The following SDK1 variants were observed in gnomAD, a reference collection of about 807,000 sequenced individuals.
The protein encoded by SDK1 is protein sidekick-1.
Under a neutral mutation model 245.5 loss-of-function variants are expected in SDK1, and 157 were observed. The ratio of observed to expected loss-of-function variants is 0.64; its 90% CI spans 0.56 to 0.73. The LOEUF (loss-of-function observed/expected upper bound fraction) is 0.73, where lower values mean the gene tolerates loss of function less well. Among genes scored for constraint, SDK1 ranks in the 30% least tolerant of loss-of-function variants. The pLI is 0.00. For missense variants in SDK1, 3,583 were observed against 3,002.3 expected (o/e 1.19, Z -4.52); for synonymous variants, 1,647 against 1,278.5 (o/e 1.29, Z -6.15).
intron 4 of SDK1, among the ~76,000 whole-genome samples, chr7:3,809,186 G>A (rs1261055134): frequency 6.6e-6 from 1 of 152,088 alleles, no homozygotes; most frequent in African/African-American, 2.4e-5. Flanking sequence ...GCTACATGGC[G>A]AGAGCAGGAG....
Position 4,205,955 on chromosome 7 carries a change from A to G in SDK1, c.5175A>G (p.Pro1725=). 2 of 1,561,028 alleles carry G rather than the reference A, an allele frequency of 1.3e-6. No homozygotes were observed. Among genetic ancestry groups the G allele is most frequent in the Non-Finnish European group, 8.7e-7 (1 of 1,152,252 alleles). Reference sequence around the variant, plus strand: ...AGCTGGAGGTCACGTGGGACCCACCACCCCCGGAGAGCCAGAATGGGAACA... The same window carrying G: ...AGCTGGAGGTCACGTGGGACCCACCGCCCCCGGAGAGCCAGAATGGGAACA... ...ASQLEVTWDP[P]PPESQNGNIQ... The change falls in exon 36 of 45, where the codon CCA becomes CCG. Residue 1725 remains proline, a synonymous_variant. Coordinates refer to ENST00000404826, the MANE Select transcript of SDK1 (RefSeq NM_152744.4).
chr7:3,530,557 T>C (rs1047541104), intron 1 of SDK1, among the ~76,000 whole-genome samples: 3 of 152,192 alleles, frequency 2.0e-5, no homozygotes, highest in Admixed American at 6.5e-5. Flanking sequence ...AAGAAAAATA[T>C]ATTGATAGAA....
At chr7:3,972,052 A>C (rs76206316) in intron 12 of SDK1, among the ~76,000 whole-genome samples, 1,843 of 150,364 alleles carry the variant, frequency 0.012, 13 homozygotes, top group Non-Finnish European at 0.019. Flanking sequence ...GGTGCATGCC[A>C]AGAGGGAGGC....
Position 4,266,100 on chromosome 7 carries a change from G to A in SDK1, c.*716G>A. ...CCCTTCCTTCTCACCTGACAGCGAG[G>A]GAGAGGGAAGCCTCTTAGGGCTGGA... On this transcript the variant is annotated 3_prime_UTR_variant, in exon 45 of 45. Coordinates refer to ENST00000404826, the MANE Select transcript of SDK1 (RefSeq NM_152744.4). The A allele has an allele frequency of 4.1e-6, 4 of 985,424 alleles. No homozygotes were observed. The highest frequency in any genetic ancestry group is 4.8e-6 in the Non-Finnish European group (4 of 829,960). The allele number at this position is 985,424 out of a possible 1,614,324, so 61.0% of individuals were successfully genotyped here.
intron 1 of SDK1, among the ~76,000 whole-genome samples, chr7:3,577,116 C>A (rs185860023): frequency 1.3e-5 from 2 of 151,962 alleles, no homozygotes; most frequent in African/African-American, 4.8e-5. Flanking sequence ...TGGAAGATTT[C>A]GCCTGCCTCT....
chr7:4,231,052 C>G (rs1785728937), intron 40 of SDK1, among the ~76,000 whole-genome samples: 2 of 152,046 alleles, frequency 1.3e-5, no homozygotes, highest in East Asian at 1.9e-4. Flanking sequence ...GAGGCCTGAA[C>G]AGAGTAAATG....
chr7:3,544,350 G>T (rs1350515488), intron 1 of SDK1, among the ~76,000 whole-genome samples: 9 of 152,190 alleles, frequency 5.9e-5, no homozygotes, highest in Non-Finnish European at 1.3e-4. Context: ...AAACAGCTTG[G>T]ATCAAGCAGC....
At chr7:3,960,010 G>A (rs894073791) in intron 8 of SDK1, among the ~76,000 whole-genome samples, 13 of 152,264 alleles carry the variant, frequency 8.5e-5, no homozygotes, top group East Asian at 7.7e-4. Flanking sequence ...ATCAGGAAAC[G>A]AAAAGGATCT....
intron 1 of SDK1, among the ~76,000 whole-genome samples, chr7:3,392,078 AAGTATT>A (rs1453643638): frequency 6.6e-6 from 1 of 151,868 alleles, no homozygotes; most frequent in Non-Finnish European, 1.5e-5. Context: ...TCATGATAGA[AAGTATT>A]AGTATTATAA....
chr7:3,768,298 C>T (rs1366459139), intron 4 of SDK1, among the ~76,000 whole-genome samples: 3 of 152,084 alleles, frequency 2.0e-5, no homozygotes, highest in East Asian at 1.9e-4. Flanking sequence ...AGACATGGCC[C>T]GCATAAAGCA....
chr7:3,665,415 T>C (rs752041168), intron 4 of SDK1, among the ~76,000 whole-genome samples: 79 of 152,140 alleles, frequency 5.2e-4, no homozygotes, highest in Non-Finnish European at 8.2e-4. Flanking sequence ...CTCTAGCCTC[T>C]GCTGCCTTAT....
intron 1 of SDK1, among the ~76,000 whole-genome samples, chr7:3,507,084 G>A (rs1055564165): frequency 6.6e-6 from 1 of 152,128 alleles, no homozygotes; most frequent in East Asian, 1.9e-4. Flanking sequence ...CATATGGTTT[G>A]TTTAGCCCTA....
At chr7:3,910,566 T>C (rs1361414825) in intron 5 of SDK1, among the ~76,000 whole-genome samples, 1 of 152,192 alleles carries the variant, frequency 6.6e-6, no homozygotes, top group Non-Finnish European at 1.5e-5. Context: ...ACCATCCTAG[T>C]CTGAAGCTTT....
intron 28 of SDK1, among the ~76,000 whole-genome samples, chr7:4,142,438 C>T (rs1245740426): frequency 1.3e-5 from 2 of 152,200 alleles, no homozygotes; most frequent in South Asian, 2.1e-4. Flanking sequence ...AAGCGATTCT[C>T]CTGCCTCAGC....
chr7:3,322,756 T>C (rs1779848608), intron 1 of SDK1, among the ~76,000 whole-genome samples: 1 of 152,208 alleles, frequency 6.6e-6, no homozygotes. Context: ...TGGATTATGG[T>C]AATTGCACTC....
rs111391549 is a variant in SDK1 at position 4,229,058 on chromosome 7, T to A, written c.5828-4197T>A. ...GGGGACTGTCCAGAACATGGAAAAA[T>A]TGGTTGCATAAATCTCATTTTTGCT... is the stretch of plus-strand genomic sequence containing the variant. On this transcript the variant is annotated intron_variant, in intron 40 of 44. Transcript: ENST00000404826. Among the ~76,000 whole-genome samples, 117 of 152,204 alleles carry A rather than the reference T, an allele frequency of 7.7e-4. 1 individual carries two copies. The highest frequency in any genetic ancestry group is 2.6e-3 in the African/African-American group (108 of 41,518).
intron 1 of SDK1, among the ~76,000 whole-genome samples, chr7:3,595,842 A>G (rs1446264463): frequency 1.3e-5 from 2 of 149,736 alleles, no homozygotes; most frequent in African/African-American, 4.9e-5. Flanking sequence ...AAAAAAAAAA[A>G]AAAAAAAAAA....
At chr7:3,621,941 T>C (rs947369358) in intron 2 of SDK1, among the ~76,000 whole-genome samples, 2 of 152,238 alleles carry the variant, frequency 1.3e-5, no homozygotes, top group East Asian at 1.9e-4. Flanking sequence ...TTTTACTTTA[T>C]AGTATTTAAT....
At chr7:3,820,433 C>T (rs73034490) in intron 4 of SDK1, among the ~76,000 whole-genome samples, 21,980 of 152,204 alleles carry the variant, frequency 0.14, 1,820 homozygotes, top group Middle Eastern at 0.34. Context: ...CAGATGTGAG[C>T]CACTGCGCTC....
Sources: gnomAD v4.1 joint callset for allele counts (sites outside exome capture counted in the v4.1 genomes callset) on GRCh38, gnomAD v4.1.1 for gene constraint, MANE v1.5 for transcripts, NCBI Gene and HGNC (gene_info 2026-07-23, HGNC 2026-07-21) for gene names.